The following CAND1 variants were observed in gnomAD, a reference collection of about 807,000 sequenced individuals.
CAND1 encodes the protein cullin associated and neddylation dissociated 1.
In CAND1, 7 loss-of-function variants were observed where a neutral mutation model predicts 108.5. The observed-to-expected ratio is 0.06, with a 90% CI of 0.04 to 0.12. CAND1 has a LOEUF of 0.12. Among genes scored for constraint, CAND1 ranks in the 10% least tolerant of loss-of-function variants. The pLI is 1.00. For missense variants in CAND1, 941 were observed against 1,448.7 expected (o/e 0.65, Z 5.69); for synonymous variants, 534 against 512.0 (o/e 1.04, Z -0.58).
chr12:67,302,711 G>A, intron 8 of CAND1, 96 bp downstream of exon 8: 1 of 1,080,978 alleles, frequency 9.3e-7, no homozygotes, highest in Non-Finnish European at 1.4e-6. Context: ...AATATCTATA[G>A]AGAAGCAGAA....
rs147403553 is a variant in CAND1, at chr12:67,282,523, C to T, written c.212+470C>T. Among the ~76,000 whole-genome samples, 388 of 152,108 alleles carry T rather than the reference C, an allele frequency of 2.6e-3. 3 individuals carry two copies. Among genetic ancestry groups the T allele is most frequent in the African/African-American group, 9.2e-3 (381 of 41,470 alleles). On this transcript the variant is annotated intron_variant, in intron 2 of 14. Coordinates refer to ENST00000545606, the MANE Select transcript of CAND1 (RefSeq NM_018448.5). ...TGGTGTGATCACAGCTCGCTGCAGC[C>T]TTGACCTCCTGGACTAAAATCCTCC...
intron 7 of CAND1, 27 bp downstream of exon 7, chr12:67,299,122 G>T: frequency 6.7e-7 from 1 of 1,494,286 alleles, no homozygotes; most frequent in Non-Finnish European, 8.9e-7. Context: ...AGAATCTTTT[G>T]AGTTTTTGTG....
At chr12:67,302,648 A>G (rs920983949) in intron 8 of CAND1, 33 bp downstream of exon 8, 2 of 1,566,432 alleles carry the variant, frequency 1.3e-6, no homozygotes, top group Non-Finnish European at 1.7e-6. Context: ...GAAAATCATG[A>G]TAGTAAATGC....
In CAND1 at chr12:67,318,502, T is replaced by C. The variant is rs1412084150; in HGVS notation, c.*5672T>C. 6.6e-6 allele frequency: 1 copy of C among 152,230 alleles called. No individual in the cohort carries two copies. The highest frequency in any genetic ancestry group is 1.5e-5 in the Non-Finnish European group (1 of 68,046). The allele number at this position is 152,230 out of a possible 1,614,324, so 9.4% of individuals were successfully genotyped here. On this transcript the variant is annotated 3_prime_UTR_variant, in exon 15 of 15. Transcript: ENST00000545606. Reference sequence around the variant, plus strand: ...ACCTGGGACATACTAAGTAATATAATTGTTAACTCTTACTAGCATTCTGTC... The same window carrying C: ...ACCTGGGACATACTAAGTAATATAACTGTTAACTCTTACTAGCATTCTGTC...
chr12:67,297,850 G>A lies in CAND1; in HGVS notation c.851G>A (p.Arg284Lys). 6.4e-7 allele frequency: 1 copy of A among 1,562,566 alleles called. No individual in the cohort carries two copies. The highest frequency in any genetic ancestry group is 1.2e-5 in the South Asian group (1 of 85,712). ...YCIQAFESFVRRCPKEVYPHV... is the reference protein window; with the variant it reads ...YCIQAFESFVKRCPKEVYPHV... The stretch of plus-strand genomic sequence containing the variant: ...ATTCAAGCCTTTGAATCATTTGTAA[G>A]AAGGTAAGTTTTTAAGATCTCTATT... The change falls in exon 6 of 15, where the codon AGA becomes AAA. Residue 284 changes from arginine (R) to lysine (K), a missense_variant. This residue lies in a region of CAND1 where 697 missense variants were observed against 942.0 expected (regional missense o/e 0.74). Coordinates refer to ENST00000545606, the MANE Select transcript of CAND1 (RefSeq NM_018448.5).
rs1173223362 is a variant in CAND1 at position 67,302,368 on chromosome 12, T to A, written c.1046T>A (p.Val349Glu). 1 of 1,614,012 alleles carries A rather than the reference T, an allele frequency of 6.2e-7. No homozygotes were observed. The highest frequency in any genetic ancestry group is 1.7e-5 in the Admixed American group (1 of 60,014). ...GATGATGATGACATGAGTTGGAAAG[T>A]GAGACGTGCAGCTGCGAAGTGCTTG... Reference protein sequence around the residue: ...YSDDDDMSWKVRRAAAKCLDA... With the variant: ...YSDDDDMSWKERRAAAKCLDA... Residue 349 changes from valine (V) to glutamate (E), a missense_variant, in exon 8 of 15, where the codon GTG becomes GAG. Val to Glu is a moderately radical substitution (Grantham distance 121). Around this residue, in one of 9 missense-constraint regions of CAND1, gnomAD observed 697 missense variants for 942.0 expected, o/e 0.74. Coordinates refer to ENST00000545606, the MANE Select transcript of CAND1 (RefSeq NM_018448.5).
At chr12:67,279,188 A>AG (rs1428738345) in intron 1 of CAND1, among the ~76,000 whole-genome samples, 1 of 151,800 alleles carries the variant, frequency 6.6e-6, no homozygotes, top group Non-Finnish European at 1.5e-5. Flanking sequence ...AAAAAAAAAA[A>AG]AAGTAATTTA....
At chr12:67,291,054 A>G (rs1437241843) in intron 2 of CAND1, among the ~76,000 whole-genome samples, 1 of 152,168 alleles carries the variant, frequency 6.6e-6, no homozygotes, top group Non-Finnish European at 1.5e-5. Context: ...CTTCCATGAA[A>G]TCGGTCCCTG....
rs2044983784 is a variant in CAND1 at position 67,314,132 on chromosome 12, A to AC, written c.*1303dup. Reference sequence around the variant, plus strand: ...GTAAGAACTAATTCTGAAATAAAAGACATCTCCTAATGCTGTGCAAACATA... The same window carrying AC: ...GTAAGAACTAATTCTGAAATAAAAGACCATCTCCTAATGCTGTGCAAACATA... On this transcript the variant is annotated 3_prime_UTR_variant, in exon 15 of 15. Coordinates refer to ENST00000545606, the MANE Select transcript of CAND1 (RefSeq NM_018448.5). The AC allele has an allele frequency of 6.6e-6, 1 of 152,212 alleles. No homozygotes were observed. Among genetic ancestry groups the AC allele is most frequent in the Non-Finnish European group, 1.5e-5 (1 of 68,020 alleles). The allele number at this position is 152,212 out of a possible 1,614,324, so 9.4% of individuals were successfully genotyped here.
chr12:67,303,994 T>C (rs67752507), intron 8 of CAND1, among the ~76,000 whole-genome samples: 2,840 of 127,012 alleles, frequency 0.022, 40 homozygotes, highest in Middle Eastern at 0.047. Context: ...TTCTTTCTCT[T>C]TTTTTTTTTT....
rs568899657 is a variant in CAND1 at position 67,306,896 on chromosome 12, T to C, written c.2929+299T>C. Among the ~76,000 whole-genome samples the C allele has an allele frequency of 4.6e-5, 7 of 152,298 alleles. No homozygotes were observed. The South Asian group carries it at 1.4e-3, about 32-fold the overall frequency. ...AAAAGATGTATCTAATGAATTAACA[T>C]AATCTGAAGAGCTTGTTGATACTAA... On this transcript the variant is annotated intron_variant, in intron 10 of 14. Coordinates refer to ENST00000545606, the MANE Select transcript of CAND1 (RefSeq NM_018448.5).
At chr12:67,303,437 G>A (rs2044845433) in intron 8 of CAND1, among the ~76,000 whole-genome samples, 1 of 152,194 alleles carries the variant, frequency 6.6e-6, no homozygotes, top group African/African-American at 2.4e-5. Context: ...AGAAGGAAAT[G>A]AGATAAAGTG....
At position 67,312,846 on chromosome 12, in the gene CAND1, G is replaced by A; in HGVS notation, c.*16G>A. On this transcript the variant is annotated 3_prime_UTR_variant, in exon 15 of 15. Transcript: ENST00000545606. ...CACTAGTTAGATGTTTGTTCACCATGGGGACCATTACATATGACCATACAA... is the reference window on the plus strand; with the variant it reads ...CACTAGTTAGATGTTTGTTCACCATAGGGACCATTACATATGACCATACAA... The A allele has an allele frequency of 6.6e-7, 1 of 1,515,274 alleles. No homozygotes were observed. Among genetic ancestry groups the A allele is most frequent in the Admixed American group, 1.7e-5 (1 of 58,244 alleles). The allele number at this position is 1,515,274 out of a possible 1,614,324, so 93.9% of individuals were successfully genotyped here. A position where few individuals can be genotyped will look rare whatever the true frequency, so the allele number is the denominator to read the frequency against.
Position 67,293,593 on chromosome 12 carries a change from A to G in CAND1, c.367+817A>G, listed in dbSNP as rs1371581935. Among the ~76,000 whole-genome samples the G allele has an allele frequency of 2.0e-5, 3 of 152,078 alleles. 1 individual carries two copies. Among genetic ancestry groups the G allele is most frequent in the Admixed American group, 1.3e-4 (2 of 15,274 alleles). ...ACATGGAGAAACCCCATCTCTACTA[A>G]AAATACAAAATTAGCCGGGCGTGGT... On this transcript the variant is annotated intron_variant, in intron 3 of 14. Transcript: ENST00000545606.
In CAND1 at chr12:67,313,661, A is replaced by G. The variant is rs1137465; in HGVS notation, c.*831A>G. On this transcript the variant is annotated 3_prime_UTR_variant, in exon 15 of 15. Coordinates refer to ENST00000545606, the MANE Select transcript of CAND1 (RefSeq NM_018448.5). ...CAGTAACAATTTGCCACTTTTTTCT[A>G]TTATAAATCTTCTTACTTAAATTTT... 73,691 of 152,418 alleles carry G rather than the reference A, an allele frequency of 0.48. 19,348 individuals carry two copies. Among genetic ancestry groups the G allele is most frequent in the Non-Finnish European group, 0.59 (40,334 of 67,912 alleles). 9.4% of individuals were successfully genotyped at this position (152,418 alleles called of 1,614,324 possible).
rs370384976 is a variant in CAND1, at chr12:67,305,368, A to G, written c.1700A>G (p.Asp567Gly). ...TTTGATGCAACTCCTTATATCAAAGATCTATTTACCTGTACCATTAAGAGA... is the reference window on the plus strand; with the variant it reads ...TTTGATGCAACTCCTTATATCAAAGGTCTATTTACCTGTACCATTAAGAGA... ...SSFDATPYIK[D>G]LFTCTIKRLK... The change falls in exon 10 of 15, where the codon GAT (aspartate) becomes GGT (glycine). Residue 567 changes from aspartate to glycine, a missense_variant. Coordinates refer to ENST00000545606, the MANE Select transcript of CAND1 (RefSeq NM_018448.5). The surrounding 1 kb of genome is among the most constrained non-coding windows in gnomAD (Gnocchi z 4.4). 7 of 1,614,164 alleles carry G rather than the reference A, an allele frequency of 4.3e-6. No individual in the cohort carries two copies. In the African/African-American group the frequency reaches 9.3e-5, roughly 22 times the overall value.
At chr12:67,299,157 T>C in intron 7 of CAND1, 62 bp downstream of exon 7, 1 of 1,409,226 alleles carries the variant, frequency 7.1e-7, no homozygotes, top group Non-Finnish European at 9.4e-7. Context: ...ATGGAGATGA[T>C]TCTTAGTCCA....
intron 4 of CAND1, among the ~76,000 whole-genome samples, chr12:67,295,513 A>T (rs2044761124): frequency 6.6e-6 from 1 of 152,204 alleles, no homozygotes; most frequent in Admixed American, 6.5e-5. Context: ...CGGTTAAAAG[A>T]ATGCTGGTAA....
intron 1 of CAND1, among the ~76,000 whole-genome samples, chr12:67,276,272 C>G (rs2044568367): frequency 6.6e-6 from 1 of 152,180 alleles, no homozygotes; most frequent in African/African-American, 2.4e-5. Context: ...AACAGTCTCC[C>G]TAGTCTCCTA....
Sources: gnomAD v4.1 joint callset for allele counts (sites outside exome capture counted in the v4.1 genomes callset) on GRCh38, gnomAD v4.1.1 for gene constraint, gnomAD v4.1.1 regional missense constraint, Gnocchi (gnomAD v3.1) non-coding constraint, MANE v1.5 for transcripts, NCBI Gene and HGNC (gene_info 2026-07-23, HGNC 2026-07-21) for gene names.